The following NCOR2 variants were observed in gnomAD, a reference collection of about 807,000 sequenced individuals.
NCOR2 encodes the protein nuclear receptor corepressor 2.
Under a neutral mutation model 262.9 loss-of-function variants are expected in NCOR2, and 81 were observed. That is an observed-to-expected ratio of 0.31 (90% CI 0.26 to 0.37). The LOEUF (loss-of-function observed/expected upper bound fraction) is 0.37. Ranked by LOEUF, NCOR2 falls within the 10% of genes least tolerant of loss-of-function variation. The pLI is 1.00. For missense variants in NCOR2, 3,385 were observed against 3,621.4 expected (o/e 0.93, Z 1.68); for synonymous variants, 1,659 against 1,559.3 (o/e 1.06, Z -1.51).
intron 15 of NCOR2, among the ~76,000 whole-genome samples, chr12:124,399,568 C>T (rs1345731449): frequency 2.6e-5 from 4 of 152,190 alleles, no homozygotes; most frequent in Non-Finnish European, 5.9e-5. Flanking sequence ...GGAACGTTTC[C>T]TCTCTGAGCT....
chr12:124,502,106 G>A lies in NCOR2; in HGVS notation c.-117-6738C>T, dbSNP rs529441241. On this transcript the variant is annotated intron_variant, in intron 1 of 46. Coordinates refer to the NCOR2 transcript ENST00000404621. ...GCAGGACTCCTGGCGCAGAACGGAT[G>A]CTCAGGAATCCAGCTCTGGAGTGAG... Among the ~76,000 whole-genome samples, 32 of 152,338 alleles carry A rather than the reference G, an allele frequency of 2.1e-4. 1 individual carries two copies. The highest frequency in any genetic ancestry group is 7.7e-4 in the African/African-American group (32 of 41,582).
chr12:124,348,112 C>T (rs778605885), intron 29 of NCOR2, 62 bp downstream of exon 31: 268 of 1,597,636 alleles, frequency 1.7e-4, no homozygotes, highest in Middle Eastern at 8.3e-4. Flanking sequence ...AAAACGGGGT[C>T]AGCCATCCCC....
At chr12:124,456,282 C>T (rs747015405) in intron 6 of NCOR2, among the ~76,000 whole-genome samples, 1 of 152,214 alleles carries the variant, frequency 6.6e-6, no homozygotes, top group South Asian at 2.1e-4. Context: ...GTAGCATATA[C>T]CTTCAGTGCC....
At chr12:124,489,775 T>G (rs2047980701) in intron 1 of NCOR2, among the ~76,000 whole-genome samples, 1 of 152,130 alleles carries the variant, frequency 6.6e-6, no homozygotes, top group Admixed American at 6.5e-5. Context: ...TGGTGCCTTC[T>G]TGGCTGGGTC....
At chr12:124,438,434 A>G (rs1702321) in intron 7 of NCOR2, among the ~76,000 whole-genome samples, 123,420 of 151,862 alleles carry the variant, frequency 0.81, 50,442 homozygotes, top group Non-Finnish European at 0.86. Context: ...TGGCCCCAGG[A>G]TTGGCTCCAA....
chr12:124,450,066 C>G (rs2045424612), intron 6 of NCOR2, among the ~76,000 whole-genome samples, 199 bp from the exon 9 acceptor site: 1 of 152,206 alleles, frequency 6.6e-6, no homozygotes, highest in East Asian at 1.9e-4. Flanking sequence ...TCCTCGGGAA[C>G]AGCTGTGGGT....
At chr12:124,333,886 A>ATGTGTGCGGGTGCGCATG (rs1555299220) in intron 41 of NCOR2, among the ~76,000 whole-genome samples, 6 of 120,724 alleles carry the variant, frequency 5.0e-5, no homozygotes, top group Admixed American at 2.6e-4. Flanking sequence ...GCGGGTGTGC[A>ATGTGTGCGGGTGCGCATG]TGTGTGTGTG....
chr12:124,364,107 C>A (rs953513805), intron 20 of NCOR2, among the ~76,000 whole-genome samples: 2 of 152,216 alleles, frequency 1.3e-5, no homozygotes, highest in Admixed American at 6.5e-5. Flanking sequence ...TAGAGGCCAG[C>A]CGGGCAGTGC....
chr12:124,451,722 C>T (rs1056810482), intron 6 of NCOR2, among the ~76,000 whole-genome samples: 5 of 152,272 alleles, frequency 3.3e-5, no homozygotes, highest in South Asian at 2.1e-4. Context: ...AGGATGGAGA[C>T]GTGGAGTCCT....
chr12:124,524,852 CTTGT>C (rs202192507), intron 1 of NCOR2, among the ~76,000 whole-genome samples: 4,828 of 152,292 alleles, frequency 0.032, 242 homozygotes, highest in African/African-American at 0.11. Flanking sequence ...ATAGCACTTG[CTTGT>C]TTAACTGACA....
intron 11 of NCOR2, among the ~76,000 whole-genome samples, chr12:124,425,170 C>T (rs1028168390): frequency 2.0e-5 from 3 of 152,114 alleles, no homozygotes; most frequent in Non-Finnish European, 4.4e-5. Context: ...GTCAGGAGAT[C>T]GAGACCATCC....
chr12:124,479,496 TGCGCGCATACACACGCACATGC>T lies in NCOR2; in HGVS notation c.411+4078_411+4099del, dbSNP rs1477926677. ...ACACGCAGGGACACACACAGGCACATGCGCGCATACACACGCACATGCGCGCACACGCACACACACACCCGCA... is the reference window on the plus strand; with the variant it reads ...ACACGCAGGGACACACACAGGCACATGCGCACACGCACACACACACCCGCA... On this transcript the variant is annotated intron_variant, in intron 3 of 46. Transcript: ENST00000405201. Among the ~76,000 whole-genome samples, 4 of 147,184 alleles carry T rather than the reference TGCGCGCATACACACGCACATGC, an allele frequency of 2.7e-5. No homozygotes were observed. In the East Asian group the frequency reaches 8.2e-4, roughly 30 times the overall value.
At chr12:124,339,059 A>G (rs899423993) in intron 37 of NCOR2, among the ~76,000 whole-genome samples, 1 of 123,278 alleles carries the variant, frequency 8.1e-6, no homozygotes, top group Non-Finnish European at 1.6e-5. Flanking sequence ...CCACCCACCC[A>G]TCCATCCATC....
chr12:124,382,786 C>T (rs575166222), intron 17 of NCOR2, among the ~76,000 whole-genome samples: 1 of 152,360 alleles, frequency 6.6e-6, no homozygotes, highest in East Asian at 1.9e-4. Context: ...GAGGATAATA[C>T]TGAATGCTTA....
intron 18 of NCOR2, among the ~76,000 whole-genome samples, chr12:124,376,533 T>G (rs1291376406): frequency 6.8e-6 from 1 of 148,092 alleles, no homozygotes; most frequent in Non-Finnish European, 1.5e-5. Flanking sequence ...CTTCCTTCCA[T>G]CAGACACTAG....
In NCOR2 at chr12:124,523,636, T is replaced by TAAAAAAA. The variant is rs5801559; in HGVS notation, c.-118+11922_-118+11928dup. 7.2e-6 allele frequency among the ~76,000 whole-genome samples: 1 copy of TAAAAAAA among 138,582 alleles called. No homozygotes were observed. The highest frequency in any genetic ancestry group is 2.8e-5 in the African/African-American group (1 of 36,012). 90.9% of individuals were successfully genotyped at this position (138,582 alleles called of 152,430 possible). ...CTAACACTAACCATAGCTGATGAACTAAAAAAAAAAAAAACAAAAAACCGA... is the reference window on the plus strand; with the variant it reads ...CTAACACTAACCATAGCTGATGAACTAAAAAAAAAAAAAAAAAAAAACAAAAAACCGA... On this transcript the variant is annotated intron_variant, in intron 1 of 46. Transcript: ENST00000404621. This position sits in a 1 kb window ranked among gnomAD's most constrained non-coding sequence, Gnocchi z 4.0.
At chr12:124,564,838 G>A (rs2052181710) in intron 1 of NCOR2, among the ~76,000 whole-genome samples, 1 of 151,908 alleles carries the variant, frequency 6.6e-6, no homozygotes. Flanking sequence ...ATGAATGGCA[G>A]ACGCTGGGGG....
At chr12:124,411,870 G>T (rs3782266) in intron 13 of NCOR2, among the ~76,000 whole-genome samples, 2 of 152,168 alleles carry the variant, frequency 1.3e-5, no homozygotes, top group Admixed American at 1.3e-4. Context: ...TCCGGGAGGT[G>T]GGGGCTCGGC....
At chr12:124,518,549 G>C (rs1014130781) in intron 1 of NCOR2, among the ~76,000 whole-genome samples, 1 of 152,262 alleles carries the variant, frequency 6.6e-6, no homozygotes, top group Non-Finnish European at 1.5e-5. Flanking sequence ...CCAGCGATCC[G>C]TTCTCGCCTC....
Sources: gnomAD v4.1 joint callset for allele counts (sites outside exome capture counted in the v4.1 genomes callset) on GRCh38, gnomAD v4.1.1 for gene constraint, Gnocchi (gnomAD v3.1) non-coding constraint, MANE v1.5 for transcripts, NCBI Gene and HGNC (gene_info 2026-07-23, HGNC 2026-07-21) for gene names.